The following TDRKH variants were observed in gnomAD, a reference collection of about 807,000 sequenced individuals.
TDRKH encodes the protein tudor and KH domain containing.
In TDRKH, 28 loss-of-function variants were observed where a neutral mutation model predicts 61.3. That is an observed-to-expected ratio of 0.46 (90% CI 0.34 to 0.63). The LOEUF (loss-of-function observed/expected upper bound fraction) is 0.63, where lower values mean the gene tolerates loss of function less well. Ranked by LOEUF, TDRKH falls within the 20% of genes least tolerant of loss-of-function variation. TDRKH has a pLI of 0.01. For synonymous variants in TDRKH, 219 were observed against 244.4 expected (o/e 0.90, Z 0.97); for missense variants, 540 against 683.4 (o/e 0.79, Z 2.34).
At chr1:151,776,928 T>C (rs1011280962) in intron 6 of TDRKH, among the ~76,000 whole-genome samples, 2 of 152,200 alleles carry the variant, frequency 1.3e-5, no homozygotes, top group Admixed American at 6.5e-5. Flanking sequence ...AATCTTTACA[T>C]GGACAGTGAC....
At chr1:151,779,780 A>G in intron 4 of TDRKH, 171 bp downstream of exon 4, 1 of 582,716 alleles carries the variant, frequency 1.7e-6, no homozygotes, top group South Asian at 3.1e-5. Flanking sequence ...TTGAGGAAAC[A>G]GGTTTGGTTT....
downstream of TDRKH, chr1:151,771,478 C>G: frequency 3.2e-6 from 2 of 616,208 alleles, no homozygotes; most frequent in South Asian, 8.1e-5. Flanking sequence ...CCTTTGCCTT[C>G]CTCCATGCCC....
chr1:151,768,209 C>T (rs764703215), downstream of TDRKH: 10 of 1,613,244 alleles, frequency 6.2e-6, no homozygotes, highest in South Asian at 3.3e-5. Flanking sequence ...CCATATCAGG[C>T]CTTGGATCAA....
chr1:151,774,096 T>G lies in TDRKH; in HGVS notation c.*356A>C, dbSNP rs2101575071. 1 of 215,820 alleles carries G rather than the reference T, an allele frequency of 4.6e-6. No individual in the cohort carries two copies. Among genetic ancestry groups the G allele is most frequent in the South Asian group, 9.1e-5 (1 of 10,984 alleles). 13.4% of individuals were successfully genotyped at this position (215,820 alleles called of 1,614,324 possible). ...ACTTGTAGCGTGGTAGTCCAATTTTTTTGTAGTCTGATGGGAGGAGAATAT... is the reference window on the plus strand; with the variant it reads ...ACTTGTAGCGTGGTAGTCCAATTTTGTTGTAGTCTGATGGGAGGAGAATAT... On this transcript the variant is annotated 3_prime_UTR_variant, in exon 13 of 13. Coordinates refer to ENST00000368824, the MANE Select transcript of TDRKH (RefSeq NM_001083965.2).
At position 151,775,131 on chromosome 1, in the gene TDRKH, T is replaced by C. The variant is rs1432442435; in HGVS notation, c.1470A>G (p.Gly490=). Residue 490 remains glycine (G), a synonymous_variant, in exon 11 of 13, where the codon GGA becomes GGG. Transcript: ENST00000368824. ...LDIGLELVHK[G]YAIELPEDIE... is the part of the protein sequence containing the mutation. ...TGTCTTCAGGAAGCTCAATTGCGTA[T>C]CCTTTGTGTACTAATTCTAGCCCAA... The C allele has an allele frequency of 3.1e-6, 5 of 1,614,056 alleles. No individual in the cohort carries two copies. The highest frequency in any genetic ancestry group is 4.2e-6 in the Non-Finnish European group (5 of 1,180,040).
chr1:151,776,290 AAGGC>A (rs1248456825), intron 7 of TDRKH, 22 bp from the exon 8 acceptor site: 1 of 1,610,112 alleles, frequency 6.2e-7, no homozygotes, highest in Non-Finnish European at 8.5e-7. Flanking sequence ...GAGGAGGAGA[AAGGC>A]AGAGAGTTAC....
At chr1:151,788,550 A>G (rs1438365429) in intron 1 of TDRKH, among the ~76,000 whole-genome samples, 4 of 152,232 alleles carry the variant, frequency 2.6e-5, no homozygotes, top group Non-Finnish European at 5.9e-5. Context: ...TAGAAATCAC[A>G]AGATTTTATA....
rs1649105993 is a variant in TDRKH at position 151,775,801 on chromosome 1, G to A, written c.1282+19C>T. 1 of 1,611,834 alleles carries A rather than the reference G, an allele frequency of 6.2e-7. No individual in the cohort carries two copies. The highest frequency in any genetic ancestry group is 1.1e-5 in the South Asian group (1 of 90,982). On this transcript the variant is annotated intron_variant, in intron 9 of 12. Coordinates refer to ENST00000368824, the MANE Select transcript of TDRKH (RefSeq NM_001083965.2). ...ATTCTATTTGGAGGTAAGCTCAATA[G>A]ATGGCATGACCAATTTACCTGAGGG...
downstream of TDRKH, chr1:151,770,151 C>T: frequency 6.2e-7 from 1 of 1,613,300 alleles, no homozygotes; most frequent in East Asian, 2.2e-5. Context: ...AACATTTTAA[C>T]TGTTTTTCTG....
intron 1 of TDRKH, among the ~76,000 whole-genome samples, chr1:151,785,670 T>C (rs1650244941): frequency 6.6e-6 from 1 of 152,216 alleles, no homozygotes. Flanking sequence ...GTCTGGGTTA[T>C]TCTTGCTTGT....
chr1:151,775,930 C>T (rs745477472), intron 8 of TDRKH, 46 bp from the exon 9 acceptor site: 4 of 1,600,888 alleles, frequency 2.5e-6, no homozygotes, highest in African/African-American at 2.7e-5. Context: ...CCAAAAACAT[C>T]TTCTTACATT....
At chr1:151,788,923 T>C (rs1650613891) in intron 1 of TDRKH, among the ~76,000 whole-genome samples, 1 of 152,238 alleles carries the variant, frequency 6.6e-6, no homozygotes, top group Admixed American at 6.5e-5. Flanking sequence ...ATGCTTGTCA[T>C]TCTTGATTAA....
chr1:151,778,307 G>T lies in TDRKH; in HGVS notation c.883+378C>A, dbSNP rs576580762. 9.9e-5 allele frequency among the ~76,000 whole-genome samples: 15 copies of T among 152,252 alleles called. No individual in the cohort carries two copies. In the South Asian group the frequency reaches 3.1e-3, roughly 32 times the overall value. ...AAAGGTCATGTATCTATCTTTTGCT[G>T]GTAACAACTTGTCTCAATATAGTCT... On this transcript the variant is annotated intron_variant, in intron 6 of 12. Coordinates refer to ENST00000368824, the MANE Select transcript of TDRKH (RefSeq NM_001083965.2).
chr1:151,773,410 G>A (rs983523825), downstream of TDRKH: 6 of 152,620 alleles, frequency 3.9e-5, no homozygotes, highest in African/African-American at 1.4e-4. Flanking sequence ...GATCCTTTCT[G>A]TGAGGCAGTT....
downstream of TDRKH, among the ~76,000 whole-genome samples, chr1:151,772,949 C>T (rs142592793): frequency 1.1e-4 from 16 of 152,282 alleles, no homozygotes; most frequent in African/African-American, 3.1e-4. Flanking sequence ...CTGCAACCTC[C>T]GCTTCCCAGG....
Position 151,780,134 on chromosome 1 carries a change from TC to T in TDRKH, c.237del (p.Lys80AsnfsTer14), listed in dbSNP as rs2101599786. ...GRQGANIKQL[R>X]KQTGARIDVD... is the part of the protein sequence containing the mutation. ...ACATCAATCCGAGCACCTGTCTGTTTCCGCAGCTGCAAAGAAAAGGACATTT... is the reference window on the plus strand; with the variant it reads ...ACATCAATCCGAGCACCTGTCTGTTTCGCAGCTGCAAAGAAAAGGACATTT... On this transcript the variant is annotated frameshift_variant, in exon 4 of 13. Coordinates refer to ENST00000368824, the MANE Select transcript of TDRKH (RefSeq NM_001083965.2). LOFTEE classifies it high-confidence loss of function. 6.2e-7 allele frequency: 1 copy of T among 1,609,782 alleles called. No individual in the cohort carries two copies. The highest frequency in any genetic ancestry group is 2.2e-5 in the East Asian group (1 of 44,718).
intron 1 of TDRKH, among the ~76,000 whole-genome samples, chr1:151,788,378 T>G (rs931377245): frequency 2.6e-5 from 4 of 152,226 alleles, no homozygotes; most frequent in Non-Finnish European, 5.9e-5. Flanking sequence ...GCTGCCTTCA[T>G]GGAGTTTCCT....
At position 151,773,739 on chromosome 1, in the gene TDRKH, C is replaced by T. The variant is rs1648889781; in HGVS notation, c.*713G>A. ...CATATCAGCAATTGAGGCTGGGAGG[C>T]AGTATTCTCTTCCCACTTCCTGAGG... On this transcript the variant is annotated 3_prime_UTR_variant, in exon 13 of 13. Transcript: ENST00000368824. 2 of 152,182 alleles carry T rather than the reference C, an allele frequency of 1.3e-5. No individual in the cohort carries two copies. The highest frequency in any genetic ancestry group is 2.9e-5 in the Non-Finnish European group (2 of 68,030). 9.4% of individuals were successfully genotyped at this position (152,182 alleles called of 1,614,324 possible). A position where few individuals can be genotyped will look rare whatever the true frequency, so the allele number is the denominator to read the frequency against.
At chr1:151,776,411 C>A (rs1234777072) in intron 7 of TDRKH, 28 bp downstream of exon 7, 3 of 1,611,796 alleles carry the variant, frequency 1.9e-6, no homozygotes, top group Non-Finnish European at 2.5e-6. Flanking sequence ...TTTCATTAAA[C>A]CCCAGCCCTG....
Sources: gnomAD v4.1 joint callset for allele counts (sites outside exome capture counted in the v4.1 genomes callset) on GRCh38, gnomAD v4.1.1 for gene constraint, MANE v1.5 for transcripts, NCBI Gene and HGNC (gene_info 2026-07-23, HGNC 2026-07-21) for gene names.